Variants in DLG2 observed in about 807,000 individuals in gnomAD.
DLG2 encodes disks large homolog 2.
Under a neutral mutation model 132.5 loss-of-function variants are expected in DLG2, and 45 were observed. The observed-to-expected ratio is 0.34, with a 90% CI of 0.27 to 0.44. The LOEUF (loss-of-function observed/expected upper bound fraction) is 0.44, where lower values mean the gene tolerates loss of function less well. Ranked by LOEUF, DLG2 falls within the 20% of genes least tolerant of loss-of-function variation. The pLI is 1.00. For synonymous variants in DLG2, 424 were observed against 419.6 expected, an observed-to-expected ratio of 1.01 and a Z score of -0.13; for missense variants, 1,045 against 1,196.9, an observed-to-expected ratio of 0.87 and a Z score of 1.87.
intron 3 of DLG2, among the ~76,000 whole-genome samples, chr11:85,472,439 C>A (rs986565024): frequency 6.6e-6 from 1 of 152,052 alleles, no homozygotes; most frequent in African/African-American, 2.4e-5. Flanking sequence ...GTAGCTGGGA[C>A]TACAGGCACA....
chr11:83,904,999 C>T (rs1346575387), intron 15 of DLG2, among the ~76,000 whole-genome samples: 2 of 152,100 alleles, frequency 1.3e-5, no homozygotes, highest in Non-Finnish European at 2.9e-5. Context: ...AATCTGAGGT[C>T]CTTCATTGTT....
intron 14 of DLG2, among the ~76,000 whole-genome samples, chr11:83,952,914 T>C (rs1163053121): frequency 1.3e-5 from 2 of 151,600 alleles, no homozygotes; most frequent in Non-Finnish European, 2.9e-5. Context: ...AAATAAAACA[T>C]TGAAAGAAAA....
At chr11:83,480,476 G>A in intron 22 of DLG2, 4 of 1,502,288 alleles carry the variant, frequency 2.7e-6, no homozygotes, top group Non-Finnish European at 3.6e-6. Context: ...AGAACGGAAA[G>A]GAATACACTC....
intron 7 of DLG2, among the ~76,000 whole-genome samples, chr11:84,421,918 C>A (rs935901570): frequency 1.3e-5 from 2 of 152,162 alleles, no homozygotes; most frequent in Non-Finnish European, 1.5e-5. Flanking sequence ...AGCATCATCC[C>A]CTCTCCGAGG....
chr11:83,480,401 G>A, intron 22 of DLG2: 2 of 1,535,470 alleles, frequency 1.3e-6, no homozygotes, highest in Non-Finnish European at 1.7e-6. Context: ...GCTGGCATTA[G>A]AAGAAACATG....
intron 18 of DLG2, among the ~76,000 whole-genome samples, chr11:83,644,594 G>A (rs532858095): frequency 6.6e-6 from 1 of 152,122 alleles, no homozygotes; most frequent in East Asian, 1.9e-4. Context: ...GTGTTATGCA[G>A]CCAGAAAAAT....
intron 6 of DLG2, among the ~76,000 whole-genome samples, chr11:85,048,932 C>A (rs1235263014): frequency 6.6e-6 from 1 of 151,916 alleles, no homozygotes; most frequent in African/African-American, 2.4e-5. Flanking sequence ...AAAGTTCTTC[C>A]CTTTAGCCAG....
chr11:85,120,636 G>A (rs888743366), intron 5 of DLG2, among the ~76,000 whole-genome samples: 2 of 151,904 alleles, frequency 1.3e-5, no homozygotes, highest in Admixed American at 6.6e-5. Flanking sequence ...CAGCATCAAA[G>A]GTTATATTTC....
chr11:84,229,378 C>T (rs1233922566), intron 8 of DLG2, among the ~76,000 whole-genome samples: 1 of 152,128 alleles, frequency 6.6e-6, no homozygotes, highest in African/African-American at 2.4e-5. Context: ...TCTCTTGATC[C>T]ACGTAACCCA....
intron 14 of DLG2, among the ~76,000 whole-genome samples, chr11:83,939,472 A>T (rs2082188178): frequency 6.6e-6 from 1 of 152,340 alleles, no homozygotes; most frequent in East Asian, 1.9e-4. Context: ...GAAATAACAA[A>T]AGAGAAAGGA....
At position 83,805,267 on chromosome 11, in the gene DLG2, T is replaced by C. The variant is rs147729149; in HGVS notation, c.1723-18475A>G. The stretch of plus-strand genomic sequence containing the variant: ...TTATGCTTTCTTGAAATAGTTATTT[T>C]GTAGCGGGTTAAAAAATGGTTATTT... On this transcript the variant is annotated intron_variant, in intron 17 of 27. Transcript: ENST00000376104. Among the ~76,000 whole-genome samples, 937 of 152,220 alleles carry C rather than the reference T, an allele frequency of 6.2e-3. 8 individuals are homozygous for C. Among genetic ancestry groups the C allele is most frequent in the Middle Eastern group, 0.024 (7 of 294 alleles).
At chr11:84,202,781 A>G (rs1453767812) in intron 8 of DLG2, among the ~76,000 whole-genome samples, 3 of 152,114 alleles carry the variant, frequency 2.0e-5, no homozygotes, top group African/African-American at 7.2e-5. Flanking sequence ...ACACACACAC[A>G]CAAATTAAAA....
intron 10 of DLG2, among the ~76,000 whole-genome samples, chr11:84,074,525 T>G (rs1018435522): frequency 6.7e-6 from 1 of 150,268 alleles, no homozygotes; most frequent in Non-Finnish European, 1.5e-5. Context: ...AACCAGAGTT[T>G]CTAATTTTTT....
intron 19 of DLG2, among the ~76,000 whole-genome samples, chr11:83,589,282 A>G (rs2097146361): frequency 1.3e-5 from 2 of 150,922 alleles, no homozygotes; most frequent in Admixed American, 1.3e-4. Context: ...TCAGACTAAC[A>G]GCAGATCTCT....
chr11:83,681,056 G>A (rs772169888), intron 18 of DLG2, among the ~76,000 whole-genome samples: 7 of 152,110 alleles, frequency 4.6e-5, no homozygotes, highest in South Asian at 2.1e-4. Flanking sequence ...CTACTTGCCA[G>A]TGAAATAAAG....
At chr11:85,266,558 T>A (rs944019449) in intron 4 of DLG2, among the ~76,000 whole-genome samples, 1 of 151,826 alleles carries the variant, frequency 6.6e-6, no homozygotes, top group Non-Finnish European at 1.5e-5. Flanking sequence ...TGTATACCTA[T>A]ATAACAATCC....
intron 6 of DLG2, among the ~76,000 whole-genome samples, chr11:84,954,101 G>C (rs940798350): frequency 1.1e-4 from 16 of 152,012 alleles, no homozygotes; most frequent in African/African-American, 3.9e-4. Flanking sequence ...TGTCAGTCTT[G>C]GTCACGGTGA....
At chr11:85,070,432 A>G (rs962048963) in intron 6 of DLG2, among the ~76,000 whole-genome samples, 8 of 151,884 alleles carry the variant, frequency 5.3e-5, no homozygotes, top group Non-Finnish European at 1.2e-4. Flanking sequence ...AATTGGAGAA[A>G]GAAACCGTGT....
chr11:83,626,156 A>G (rs1215397853), intron 19 of DLG2, among the ~76,000 whole-genome samples: 1 of 152,232 alleles, frequency 6.6e-6, no homozygotes, highest in African/African-American at 2.4e-5. Context: ...CAAGGACCAG[A>G]GCAGTCACTA....
Sources: gnomAD v4.1 joint callset for allele counts (sites outside exome capture counted in the v4.1 genomes callset) on GRCh38, gnomAD v4.1.1 for gene constraint, MANE v1.5 for transcripts, NCBI Gene and HGNC (gene_info 2026-07-23, HGNC 2026-07-21) for gene names.